The following MYO15A variants were observed in gnomAD, a reference collection of about 807,000 sequenced individuals.
The protein encoded by MYO15A is unconventional myosin-XV.
MYO15A carries 308 observed loss-of-function variants against 394.6 expected under a neutral mutation model. The observed-to-expected ratio is 0.78, with a 90% CI of 0.71 to 0.86. The LOEUF is 0.86. Among genes scored for constraint, MYO15A ranks in the 40% least tolerant of loss-of-function variants. The pLI, the probability that MYO15A is intolerant of heterozygous loss-of-function variation, is 0.00. For missense variants in MYO15A, 4,606 were observed against 4,799.1 expected (o/e 0.96, Z 1.19); for synonymous variants, 1,957 against 2,003.8 (o/e 0.98, Z 0.62).
intron 20 of MYO15A, 48 bp downstream of exon 20, chr17:18,140,713 C>T (rs1462072683): frequency 3.7e-6 from 6 of 1,613,998 alleles, no homozygotes; most frequent in Non-Finnish European, 5.1e-6. Context: ...ATCCTTAACC[C>T]ACCTCATGAC....
At chr17:18,126,293 G>T in intron 4 of MYO15A, 54 bp from the exon 5 acceptor site, 1 of 1,402,948 alleles carries the variant, frequency 7.1e-7, no homozygotes, top group Non-Finnish European at 1.0e-6. Flanking sequence ...GGGGAGGGAG[G>T]GACATAGAGG....
chr17:18,166,732 C>T (rs2046860693), intron 61 of MYO15A, among the ~76,000 whole-genome samples: 1 of 152,222 alleles, frequency 6.6e-6, no homozygotes, highest in African/African-American at 2.4e-5. Flanking sequence ...TGCCATCCCT[C>T]CATCTGTGCT....
At chr17:18,152,562 C>T (rs533463425) in intron 42 of MYO15A, among the ~76,000 whole-genome samples, 2 of 152,306 alleles carry the variant, frequency 1.3e-5, no homozygotes, top group East Asian at 3.9e-4. Context: ...CACCCTTTGT[C>T]TCTCAGCAGC....
intron 52 of MYO15A, 64 bp from the exon 53 acceptor site, chr17:18,158,861 T>G: frequency 6.3e-7 from 1 of 1,579,354 alleles, no homozygotes; most frequent in Non-Finnish European, 8.7e-7. Context: ...TTCTTTCCCA[T>G]GTGGAAAAGG....
Position 18,122,078 on chromosome 17 carries a change from C to T in MYO15A, c.3278C>T (p.Pro1093Leu). The T allele has an allele frequency of 6.2e-7, 1 of 1,612,846 alleles. No individual in the cohort carries two copies. Among genetic ancestry groups the T allele is most frequent in the Non-Finnish European group, 8.5e-7 (1 of 1,179,954 alleles). Residue 1093 changes from proline (P) to leucine (L), a missense_variant, in exon 2 of 66, where the codon CCC (proline) becomes CTC (leucine). Physicochemically the swap from Pro to Leu is moderately conservative, Grantham distance 98. This residue lies in a region of MYO15A where 1,830 missense variants were observed against 1,689.7 expected (regional missense o/e 1.08). Transcript: ENST00000647165. ...CCCCAAGCCGCAGCCCCCTTGGCGC[C>T]CATCAGGGCCCCAGAGCCCCTGCCC... ...TLPQAAAPLA[P>L]IRAPEPLPKG...
intron 62 of MYO15A, 50 bp downstream of exon 62, chr17:18,167,773 C>G: frequency 6.3e-7 from 1 of 1,598,470 alleles, no homozygotes; most frequent in Non-Finnish European, 8.5e-7. Context: ...CAACCCTGCC[C>G]TCTCAGCCCA....
At chr17:18,149,963 A>G (rs2046549680) in intron 35 of MYO15A, 1 of 312,514 alleles carries the variant, frequency 3.2e-6, no homozygotes. Context: ...AAAAAAAAAA[A>G]AAAAAAAAGA....
chr17:18,121,429 G>T lies in MYO15A; in HGVS notation c.2629G>T (p.Glu877Ter), dbSNP rs771720649. 18 of 1,545,170 alleles carry T rather than the reference G, an allele frequency of 1.2e-5. No homozygotes were observed. In the Admixed American group the frequency reaches 3.5e-4, roughly 30 times the overall value. Residue 877 changes from glutamate (E) to a stop codon, truncating the protein, a stop_gained, in exon 2 of 66, where the codon GAG becomes TAG. Transcript: ENST00000647165. LOFTEE classifies it high-confidence loss of function. This position sits in a 1 kb window ranked among gnomAD's most constrained non-coding sequence, Gnocchi z 5.3. Reference sequence around the variant, plus strand: ...CCCGCACACGTGGCGGCGCCTCAGCGAGCCACCCACTCGGGCTGTGAAGCC... The same window carrying T: ...CCCGCACACGTGGCGGCGCCTCAGCTAGCCACCCACTCGGGCTGTGAAGCC... ...RLPHTWRRLS[E>*]PPTRAVKPQV...
At chr17:18,136,534 T>C in intron 14 of MYO15A, 29 bp from the exon 15 acceptor site, 1 of 1,613,940 alleles carries the variant, frequency 6.2e-7, no homozygotes, top group African/African-American at 1.3e-5. Flanking sequence ...CACGGTGTCC[T>C]GCTCACACCA....
Position 18,140,936 on chromosome 17 carries a change from A to C in MYO15A, c.5407-83A>C, listed in dbSNP as rs570083311. 18 of 1,611,244 alleles carry C rather than the reference A, an allele frequency of 1.1e-5. No homozygotes were observed. In the South Asian group the frequency reaches 2.0e-4, roughly 18 times the overall value. ...CTCAGGACCTGCATCTGCCCAGCCT[A>C]GCACTGGGAATATTCACCATGATAA... On this transcript the variant is annotated intron_variant, in intron 21 of 65. Coordinates refer to ENST00000647165, the MANE Select transcript of MYO15A (RefSeq NM_016239.4).
At chr17:18,143,663 G>A (rs1179259843) in intron 26 of MYO15A, 44 bp downstream of exon 26, 5 of 1,571,826 alleles carry the variant, frequency 3.2e-6, no homozygotes, top group African/African-American at 1.4e-5. Context: ...GAGGGAGGCT[G>A]GCAGGTGGGG....
intron 42 of MYO15A, among the ~76,000 whole-genome samples, chr17:18,152,758 G>A (rs1378277726): frequency 6.6e-6 from 1 of 151,950 alleles, no homozygotes. Flanking sequence ...TCTGTTCTCG[G>A]AACACTCCAA....
intron 7 of MYO15A, among the ~76,000 whole-genome samples, chr17:18,129,190 G>A (rs2046107492): frequency 1.3e-5 from 2 of 152,212 alleles, no homozygotes; most frequent in African/African-American, 4.8e-5. Context: ...TTGGTCATAT[G>A]TCCTCACTGG....
At position 18,149,521 on chromosome 17, in the gene MYO15A, A is replaced by G. The variant is rs752983240; in HGVS notation, c.7153A>G (p.Lys2385Glu). 1.2e-6 allele frequency: 2 copies of G among 1,614,158 alleles called. No individual in the cohort carries two copies. Among genetic ancestry groups the G allele is most frequent in the Non-Finnish European group, 1.7e-6 (2 of 1,180,018 alleles). Reference protein sequence around the residue: ...DSLGEPAVPHKGLDCYLDSLF... With the variant: ...DSLGEPAVPHEGLDCYLDSLF... ...TCTTGGAGAGCCTGCTGTGCCCCAC[A>G]AGGGGCTGGACTGCTACCTGGATAG... Residue 2385 changes from lysine to glutamate, a missense_variant, in exon 35 of 66, where the codon AAG becomes GAG. Lys to Glu is a moderately conservative substitution (Grantham distance 56). Transcript: ENST00000647165.
rs773996873 is a variant in MYO15A, at chr17:18,119,335, G to A, written c.535G>A (p.Glu179Lys). The A allele has an allele frequency of 1.2e-6, 2 of 1,609,310 alleles. No homozygotes were observed. Among genetic ancestry groups the A allele is most frequent in the Non-Finnish European group, 8.5e-7 (1 of 1,179,202 alleles). Reference protein sequence around the residue: ...SRKLPFPSGAEILRPGGRLRR... With the variant: ...SRKLPFPSGAKILRPGGRLRR... ...CAAACTCCCCTTCCCGTCGGGTGCC[G>A]AGATCCTGCGGCCTGGGGGCCGGCT... The change falls in exon 2 of 66, where the codon GAG (glutamate) becomes AAG (lysine). Residue 179 changes from glutamate (E) to lysine (K), a missense_variant. By Grantham distance (56) the Glu-to-Lys change is moderately conservative. Around this residue, in one of 2 missense-constraint regions of MYO15A, gnomAD observed 1,830 missense variants for 1,689.7 expected, o/e 1.08. Transcript: ENST00000647165.
At chr17:18,171,826 G>A in intron 63 of MYO15A, 55 bp downstream of exon 63, 1 of 1,581,918 alleles carries the variant, frequency 6.3e-7, no homozygotes, top group Non-Finnish European at 8.6e-7. Flanking sequence ...GAGGAGGGTG[G>A]TCATGGAGGA....
At chr17:18,125,756 A>G (rs1468481237) in intron 4 of MYO15A, among the ~76,000 whole-genome samples, 1 of 151,622 alleles carries the variant, frequency 6.6e-6, no homozygotes, top group Non-Finnish European at 1.5e-5. Context: ...TGCCAGAGGC[A>G]GAAAGCTGGA....
chr17:18,143,844 C>A (rs775757135), intron 27 of MYO15A, 26 bp from the exon 28 acceptor site: 1 of 1,570,910 alleles, frequency 6.4e-7, no homozygotes, highest in Admixed American at 1.9e-5. Context: ...TCAGAGCAGG[C>A]ACCGCATTCC....
chr17:18,163,818 T>A lies in MYO15A; in HGVS notation c.9767T>A (p.Ile3256Asn), dbSNP rs758768524. The A allele has an allele frequency of 6.2e-7, 1 of 1,614,012 alleles. No individual in the cohort carries two copies. The highest frequency in any genetic ancestry group is 8.5e-7 in the Non-Finnish European group (1 of 1,179,938). Residue 3256 changes from isoleucine to asparagine, a missense_variant, in exon 60 of 66, where the codon ATC (isoleucine) becomes AAC (asparagine). Ile to Asn is a moderately radical substitution (Grantham distance 149). Around this residue, in one of 2 missense-constraint regions of MYO15A, gnomAD observed 2,776 missense variants for 3,109.3 expected, o/e 0.89. Coordinates refer to ENST00000647165, the MANE Select transcript of MYO15A (RefSeq NM_016239.4). ...TRPEAFNEYV[I>N]FVVTNRGQHV... ...CCTGAGGCCTTCAATGAATATGTTA[T>A]CTTCGTTGTCACCAACCGTGGTGAG...
Sources: allele counts gnomAD v4.1 joint callset (sites outside exome capture counted in the v4.1 genomes callset), GRCh38; gene constraint gnomAD v4.1.1; regional missense constraint gnomAD v4.1.1; non-coding constraint Gnocchi (gnomAD v3.1); transcripts MANE v1.5; gene names NCBI Gene and HGNC (gene_info 2026-07-23, HGNC 2026-07-21).